The following CPNE8 variants were observed in gnomAD, a reference collection of about 807,000 sequenced individuals.
CPNE8 encodes the protein copine 8, also known as copine-8.
Under a neutral mutation model 81.5 loss-of-function variants are expected in CPNE8, and 45 were observed. The ratio of observed to expected loss-of-function variants is 0.55; its 90% CI spans 0.44 to 0.71. The LOEUF is 0.71. Among genes scored for constraint, CPNE8 ranks in the 30% least tolerant of loss-of-function variants. The pLI is 0.00. For missense variants in CPNE8, 594 were observed against 672.1 expected, an observed-to-expected ratio of 0.88 and a Z score of 1.28; for synonymous variants, 252 against 226.3, an observed-to-expected ratio of 1.11 and a Z score of -1.02.
chr12:38,827,468 T>G (rs150945061), intron 6 of CPNE8, among the ~76,000 whole-genome samples: 299 of 152,306 alleles, frequency 2.0e-3, no homozygotes, highest in African/African-American at 6.7e-3. Flanking sequence ...ATCCCATTAT[T>G]GGGTACATAG....
intron 1 of CPNE8, among the ~76,000 whole-genome samples, chr12:38,881,127 G>A (rs930452127): frequency 8.6e-5 from 13 of 151,634 alleles, no homozygotes; most frequent in Non-Finnish European, 1.8e-4. Context: ...GGAGAATGGC[G>A]TGAACCCGGG....
intron 10 of CPNE8, among the ~76,000 whole-genome samples, chr12:38,739,328 C>A (rs910376338): frequency 2.0e-5 from 3 of 152,002 alleles, no homozygotes; most frequent in Non-Finnish European, 4.4e-5. Flanking sequence ...CTTTTTCAAC[C>A]AAATGAGGCT....
intron 6 of CPNE8, among the ~76,000 whole-genome samples, chr12:38,805,851 C>G (rs1442798449): frequency 1.3e-5 from 2 of 149,240 alleles, no homozygotes; most frequent in African/African-American, 2.4e-5. Context: ...AATTGATAGA[C>G]CACTAGCAAG....
intron 6 of CPNE8, among the ~76,000 whole-genome samples, chr12:38,821,959 G>A (rs904067365): frequency 1.3e-5 from 2 of 152,012 alleles, no homozygotes; most frequent in Admixed American, 1.3e-4. Context: ...TCTATCTTTG[G>A]CCTTTAAAAA....
intron 6 of CPNE8, among the ~76,000 whole-genome samples, chr12:38,779,976 T>A (rs537899728): frequency 6.6e-6 from 1 of 152,242 alleles, no homozygotes; most frequent in East Asian, 1.9e-4. Flanking sequence ...AAATCCAAGC[T>A]GTCATTGCCA....
intron 10 of CPNE8, among the ~76,000 whole-genome samples, chr12:38,734,298 C>A (rs1172387322): frequency 6.6e-6 from 1 of 152,002 alleles, no homozygotes; most frequent in Non-Finnish European, 1.5e-5. Context: ...TGCCTCACAT[C>A]AATTATATTC....
At chr12:38,805,600 A>C (rs1230444330) in intron 6 of CPNE8, among the ~76,000 whole-genome samples, 13 of 109,266 alleles carry the variant, frequency 1.2e-4, no homozygotes, top group Non-Finnish European at 1.9e-4. Flanking sequence ...AGCATGGCAC[A>C]TGTATACATA....
Position 38,712,771 on chromosome 12 carries a change from G to A in CPNE8, c.915-9850C>T, listed in dbSNP as rs535754748. ...GTTGAGTTTGGGTTGGAGCGAACAG[G>A]ACTGTCTGGACTGAAAGAAGTATCC... On this transcript the variant is annotated intron_variant, in intron 13 of 19. Coordinates refer to ENST00000331366, the MANE Select transcript of CPNE8 (RefSeq NM_153634.3). Among the ~76,000 whole-genome samples, 22 of 152,260 alleles carry A rather than the reference G, an allele frequency of 1.4e-4. No homozygotes were observed. The South Asian group carries it at 3.1e-3, about 22-fold the overall frequency.
At chr12:38,888,145 C>T (rs948370550) in intron 1 of CPNE8, among the ~76,000 whole-genome samples, 1 of 152,312 alleles carries the variant, frequency 6.6e-6, no homozygotes, top group Non-Finnish European at 1.5e-5. Flanking sequence ...CTGCTGCCTT[C>T]CAAGCACCAC....
At chr12:38,713,273 G>A (rs937015605) in intron 13 of CPNE8, among the ~76,000 whole-genome samples, 8 of 152,074 alleles carry the variant, frequency 5.3e-5, no homozygotes, top group African/African-American at 1.9e-4. Flanking sequence ...CCCACTTACT[G>A]TCTCTCCTAT....
chr12:38,755,942 A>AGGC (rs1296097848), intron 10 of CPNE8, among the ~76,000 whole-genome samples: 2 of 149,610 alleles, frequency 1.3e-5, no homozygotes, highest in African/African-American at 4.9e-5. Context: ...CGGGAGGCTG[A>AGGC]GGCAGGAGAA....
chr12:38,806,323 C>G (rs1466496100), intron 6 of CPNE8, among the ~76,000 whole-genome samples: 2 of 149,886 alleles, frequency 1.3e-5, no homozygotes, highest in Non-Finnish European at 3.0e-5. Context: ...AGACCAATAT[C>G]CTTGATGAAC....
intron 3 of CPNE8, among the ~76,000 whole-genome samples, chr12:38,857,894 C>T (rs1397098316): frequency 2.6e-5 from 4 of 152,120 alleles, no homozygotes; most frequent in Non-Finnish European, 5.9e-5. Context: ...AAGACTCTGT[C>T]TAAAAATAAA....
intron 6 of CPNE8, among the ~76,000 whole-genome samples, chr12:38,807,956 A>C (rs1225172916): frequency 2.0e-5 from 3 of 152,024 alleles, no homozygotes; most frequent in Non-Finnish European, 4.4e-5. Context: ...ATGAACAGAC[A>C]CTTCTCAAAA....
intron 13 of CPNE8, among the ~76,000 whole-genome samples, chr12:38,706,185 A>C (rs1024408048): frequency 8.5e-5 from 13 of 152,144 alleles, no homozygotes; most frequent in African/African-American, 3.1e-4. Flanking sequence ...ACAATAAAGG[A>C]TATGGATTAT....
intron 3 of CPNE8, among the ~76,000 whole-genome samples, chr12:38,852,658 C>T (rs539274307): frequency 1.3e-5 from 2 of 151,874 alleles, no homozygotes; most frequent in East Asian, 1.9e-4. Context: ...CAGTAAGCTT[C>T]GTGAAGGAAC....
intron 6 of CPNE8, among the ~76,000 whole-genome samples, chr12:38,779,164 T>C (rs958288688): frequency 4.6e-5 from 7 of 152,154 alleles, no homozygotes; most frequent in African/African-American, 1.7e-4. Flanking sequence ...TTTACAATGC[T>C]GAATAAAATA....
At chr12:38,896,254 G>T (rs1238499050) in intron 1 of CPNE8, among the ~76,000 whole-genome samples, 1 of 152,028 alleles carries the variant, frequency 6.6e-6, no homozygotes, top group Non-Finnish European at 1.5e-5. Flanking sequence ...TCCCTCAGAA[G>T]GTCTGCAACA....
At position 38,894,346 on chromosome 12, in the gene CPNE8, T is replaced by G. The variant is rs911558609; in HGVS notation, c.98+11091A>C. Among the ~76,000 whole-genome samples, 4 of 152,158 alleles carry G rather than the reference T, an allele frequency of 2.6e-5. No homozygotes were observed. In the East Asian group the frequency reaches 5.8e-4, roughly 22 times the overall value. On this transcript the variant is annotated intron_variant, in intron 1 of 19. Coordinates refer to ENST00000331366, the MANE Select transcript of CPNE8 (RefSeq NM_153634.3). ...TACTTCAAACTTTTCCCAAAAAAAT[T>G]TTTTTAATTTACTAATTTAAATTAT...
Sources: gnomAD v4.1 joint callset for allele counts (sites outside exome capture counted in the v4.1 genomes callset) on GRCh38, gnomAD v4.1.1 for gene constraint, MANE v1.5 for transcripts, NCBI Gene and HGNC (gene_info 2026-07-23, HGNC 2026-07-21) for gene names.